DNAJC5B: variants seen among roughly 807,000 people sequenced by gnomAD.
DNAJC5B encodes dnaJ homolog subfamily C member 5B.
In DNAJC5B, 23 loss-of-function variants were observed where a neutral mutation model predicts 24.7. The ratio of observed to expected loss-of-function variants is 0.93; its 90% CI spans 0.67 to 1.32. The LOEUF is 1.32. DNAJC5B is among the 40% of genes most tolerant of loss of function. The pLI is 0.00. For synonymous variants in DNAJC5B, 101 were observed against 90.1 expected, an observed-to-expected ratio of 1.12 and a Z score of -0.68; for missense variants, 238 against 240.8, an observed-to-expected ratio of 0.99 and a Z score of 0.08.
chr8:66,095,894 G>T (rs1292003691), intron 5 of DNAJC5B, among the ~76,000 whole-genome samples: 1 of 152,134 alleles, frequency 6.6e-6, no homozygotes, highest in Non-Finnish European at 1.5e-5. Flanking sequence ...GCTTTGAAAT[G>T]TCTTAGGACT....
intron 2 of DNAJC5B, among the ~76,000 whole-genome samples, chr8:66,050,733 G>C (rs74644525): frequency 2.2e-3 from 336 of 152,324 alleles, no homozygotes; most frequent in African/African-American, 7.2e-3. Context: ...TCTCTGGCCA[G>C]AACTCCCCAA....
chr8:66,086,427 G>A (rs1482017253), intron 5 of DNAJC5B, among the ~76,000 whole-genome samples: 2 of 152,096 alleles, frequency 1.3e-5, no homozygotes, highest in Non-Finnish European at 2.9e-5. Flanking sequence ...CACTACTGAG[G>A]ATATTTCCTT....
intron 3 of DNAJC5B, among the ~76,000 whole-genome samples, chr8:66,055,567 A>G (rs535244278): frequency 6.6e-6 from 1 of 152,382 alleles, no homozygotes; most frequent in African/African-American, 2.4e-5. Context: ...CTTACCTCAT[A>G]TCACCCAAGT....
At chr8:66,092,014 C>A (rs1807859352) in intron 5 of DNAJC5B, among the ~76,000 whole-genome samples, 1 of 152,026 alleles carries the variant, frequency 6.6e-6, no homozygotes, top group Non-Finnish European at 1.5e-5. Flanking sequence ...GCCTGTGGGG[C>A]AGGAAGAATA....
rs762513760 is a variant in DNAJC5B at position 66,080,526 on chromosome 8, G to A, written c.483G>A (p.Gln161=). The A allele has an allele frequency of 6.2e-7, 1 of 1,611,208 alleles. No individual in the cohort carries two copies. Among genetic ancestry groups the A allele is most frequent in the Admixed American group, 1.7e-5 (1 of 59,594 alleles). The stretch of plus-strand genomic sequence containing the variant: ...TGTCCCCAGAGGATCTGGAGGAGCA[G>A]ATCAAGTCTGACATGGAAAAAGGTG... ...FYVSPEDLEE[Q]IKSDMEKDVD... is the part of the protein sequence containing the mutation. The change falls in exon 5 of 6, where the codon CAG becomes CAA. Residue 161 remains glutamine, a synonymous_variant. Coordinates refer to ENST00000276570, the MANE Select transcript of DNAJC5B (RefSeq NM_033105.6).
chr8:66,090,283 TA>T (rs1807820996), intron 5 of DNAJC5B, among the ~76,000 whole-genome samples: 9 of 122,120 alleles, frequency 7.4e-5, no homozygotes, highest in African/African-American at 2.3e-4. Flanking sequence ...GTGTGTGTGG[TA>T]GAGAGAGAGA....
At chr8:66,089,611 C>T (rs1807802155) in intron 5 of DNAJC5B, among the ~76,000 whole-genome samples, 1 of 152,140 alleles carries the variant, frequency 6.6e-6, no homozygotes, top group Non-Finnish European at 1.5e-5. Context: ...CTCCTTGACT[C>T]TAGCTAAAGT....
chr8:66,031,735 T>C (rs1457822975), intron 1 of DNAJC5B, among the ~76,000 whole-genome samples: 2 of 152,056 alleles, frequency 1.3e-5, no homozygotes, highest in Non-Finnish European at 2.9e-5. Context: ...TTTCTTCCAT[T>C]CAGGCCTTCA....
intron 5 of DNAJC5B, among the ~76,000 whole-genome samples, chr8:66,084,221 G>A (rs745562138): frequency 3.9e-5 from 6 of 152,142 alleles, no homozygotes; most frequent in Admixed American, 2.0e-4. Flanking sequence ...AAATGGACTG[G>A]ACTTGCATCT....
chr8:66,048,239 A>G (rs1242285591), intron 2 of DNAJC5B, among the ~76,000 whole-genome samples: 1 of 152,020 alleles, frequency 6.6e-6, no homozygotes, highest in African/African-American at 2.4e-5. Context: ...GAGTATCCCT[A>G]GAGGGTATTG....
At chr8:66,081,145 C>A (rs1807588022) in intron 5 of DNAJC5B, among the ~76,000 whole-genome samples, 1 of 152,140 alleles carries the variant, frequency 6.6e-6, no homozygotes, top group African/African-American at 2.4e-5. Context: ...CATGTGTATG[C>A]ATGACTGTGA....
At chr8:66,080,975 C>T (rs761304876) in intron 5 of DNAJC5B, among the ~76,000 whole-genome samples, 5 of 152,076 alleles carry the variant, frequency 3.3e-5, no homozygotes, top group African/African-American at 1.2e-4. Context: ...AAAAAGTCAC[C>T]AACCCTTGAC....
intron 1 of DNAJC5B, among the ~76,000 whole-genome samples, chr8:66,031,270 T>A (rs997149739): frequency 2.0e-5 from 3 of 152,256 alleles, no homozygotes; most frequent in Admixed American, 1.3e-4. Context: ...TATGTTATTA[T>A]AAATGCTCAT....
At chr8:66,091,240 T>A (rs774733118) in intron 5 of DNAJC5B, among the ~76,000 whole-genome samples, 1 of 152,132 alleles carries the variant, frequency 6.6e-6, no homozygotes, top group Non-Finnish European at 1.5e-5. Flanking sequence ...ATTAAGTAAA[T>A]AATCACATGA....
chr8:66,095,200 C>A (rs1041008770), intron 5 of DNAJC5B, among the ~76,000 whole-genome samples: 12 of 152,130 alleles, frequency 7.9e-5, no homozygotes, highest in East Asian at 1.9e-4. Context: ...TTCTGAAGAA[C>A]TTTCTGGGCT....
chr8:66,070,733 G>T (rs867935254), intron 3 of DNAJC5B, among the ~76,000 whole-genome samples: 4 of 152,006 alleles, frequency 2.6e-5, no homozygotes, highest in Admixed American at 6.6e-5. Flanking sequence ...AAAAGAGCCC[G>T]CATAGCCAAG....
In DNAJC5B at chr8:66,100,068, A is replaced by C; in HGVS notation, c.*37A>C. The stretch of plus-strand genomic sequence containing the variant: ...CAGAGAGTCCACAGTCCCTCCTCTC[A>C]GTTCAGTCTTGTCTCCAGATGGTCG... On this transcript the variant is annotated 3_prime_UTR_variant, in exon 6 of 6. Coordinates refer to ENST00000276570, the MANE Select transcript of DNAJC5B (RefSeq NM_033105.6). 2 of 1,583,572 alleles carry C rather than the reference A, an allele frequency of 1.3e-6. No homozygotes were observed. The highest frequency in any genetic ancestry group is 1.7e-6 in the Non-Finnish European group (2 of 1,155,584).
chr8:66,077,441 G>A lies in DNAJC5B; in HGVS notation c.333+568G>A, dbSNP rs565589054. ...ATGGATACCTAGTCAAGAAAAGGGC[G>A]ACATTTTTAAGGGCTTAGTGCAATC... On this transcript the variant is annotated intron_variant, in intron 4 of 5. Transcript: ENST00000276570. Among the ~76,000 whole-genome samples the A allele has an allele frequency of 3.1e-4, 47 of 152,250 alleles. 1 individual carries two copies. The South Asian group carries it at 4.6e-3, about 15-fold the overall frequency.
intron 2 of DNAJC5B, among the ~76,000 whole-genome samples, chr8:66,045,911 C>T (rs1806713054): frequency 6.6e-6 from 1 of 152,210 alleles, no homozygotes; most frequent in Non-Finnish European, 1.5e-5. Context: ...TGCTCACAGA[C>T]ATTGGTGTAC....
Sources: allele counts gnomAD v4.1 joint callset (sites outside exome capture counted in the v4.1 genomes callset), GRCh38; gene constraint gnomAD v4.1.1; transcripts MANE v1.5; gene names NCBI Gene and HGNC (gene_info 2026-07-23, HGNC 2026-07-21).